Variants in ADAM12 observed in about 807,000 individuals in gnomAD.
The protein encoded by ADAM12 is disintegrin and metalloproteinase domain-containing protein 12.
In ADAM12, 70 loss-of-function variants were observed where a neutral mutation model predicts 106.4. That is an observed-to-expected ratio of 0.66 (90% CI 0.54 to 0.80). The LOEUF (loss-of-function observed/expected upper bound fraction) is 0.80, where lower values mean the gene tolerates loss of function less well. Among genes scored for constraint, ADAM12 ranks in the 30% least tolerant of loss-of-function variants. The pLI, the probability that ADAM12 is intolerant of heterozygous loss-of-function variation, is 0.00. For synonymous variants in ADAM12, 420 were observed against 433.5 expected, an observed-to-expected ratio of 0.97 and a Z score of 0.39; for missense variants, 1,010 against 1,171.9, an observed-to-expected ratio of 0.86 and a Z score of 2.02.
chr10:126,344,789 T>G (rs1855071104), intron 1 of ADAM12, among the ~76,000 whole-genome samples: 1 of 152,184 alleles, frequency 6.6e-6, no homozygotes, highest in African/African-American at 2.4e-5. Flanking sequence ...GAAGCAATTG[T>G]GAATGGGAGT....
At chr10:126,099,590 A>C (rs963763055) in intron 9 of ADAM12, among the ~76,000 whole-genome samples, 1 of 152,198 alleles carries the variant, frequency 6.6e-6, no homozygotes, top group African/African-American at 2.4e-5. Flanking sequence ...ATATCAAAAC[A>C]CTCTGACTCA....
intron 1 of ADAM12, among the ~76,000 whole-genome samples, chr10:126,344,327 G>A (rs1265584415): frequency 1.3e-5 from 2 of 152,154 alleles, no homozygotes; most frequent in Admixed American, 6.5e-5. Flanking sequence ...AAGATCGGAT[G>A]GTTGTAGATG....
chr10:126,293,323 C>T (rs1960235675), intron 2 of ADAM12, among the ~76,000 whole-genome samples: 1 of 152,086 alleles, frequency 6.6e-6, no homozygotes, highest in Non-Finnish European at 1.5e-5. Context: ...CTCCCAGCCC[C>T]ACCTGCCCTA....
At chr10:126,247,936 C>T (rs1343738005) in intron 3 of ADAM12, among the ~76,000 whole-genome samples, 5 of 152,296 alleles carry the variant, frequency 3.3e-5, no homozygotes, top group Non-Finnish European at 5.9e-5. Context: ...CTTTGAATTT[C>T]GTAATTTCTT....
intron 3 of ADAM12, among the ~76,000 whole-genome samples, chr10:126,234,646 C>G (rs1462333268): frequency 6.6e-6 from 1 of 152,228 alleles, no homozygotes; most frequent in African/African-American, 2.4e-5. Context: ...ACACACGCAT[C>G]CTGACAGTGT....
chr10:126,273,777 C>T (rs1959193962), intron 3 of ADAM12, among the ~76,000 whole-genome samples: 1 of 151,724 alleles, frequency 6.6e-6, no homozygotes, highest in South Asian at 2.1e-4. Flanking sequence ...TTGCTGGATC[C>T]ACAGAGAAAT....
rs1954867639 is a variant in ADAM12, at chr10:126,066,330, CAAG to C, written c.1413+384_1413+386del. On this transcript the variant is annotated intron_variant, in intron 13 of 22. Transcript: ENST00000448723. The surrounding 1 kb of genome is among the most constrained non-coding windows in gnomAD (Gnocchi z 5.1). ...GCCAGCAGGCAGATGTCCGCGGGAT[CAAG>C]AAGATGAACCTGGGGGAACCTGAGT... 6.6e-6 allele frequency among the ~76,000 whole-genome samples: 1 copy of C among 152,158 alleles called. No individual in the cohort carries two copies. Among genetic ancestry groups the C allele is most frequent in the Non-Finnish European group, 1.5e-5 (1 of 68,032 alleles).
chr10:126,186,354 G>A (rs889369645), intron 3 of ADAM12, among the ~76,000 whole-genome samples: 2 of 152,178 alleles, frequency 1.3e-5, no homozygotes, highest in African/African-American at 4.8e-5. Context: ...GAGCAATGTG[G>A]TGCTTGGTTG....
intron 21 of ADAM12, 24 bp downstream of exon 21, chr10:126,036,122 A>G (rs945528828): frequency 1.4e-6 from 2 of 1,381,356 alleles, no homozygotes; most frequent in Non-Finnish European, 1.9e-6. Context: ...ACTACATCCT[A>G]TCATATTAGT....
chr10:126,152,094 C>T (rs1200858972), intron 4 of ADAM12, among the ~76,000 whole-genome samples: 1 of 147,156 alleles, frequency 6.8e-6, no homozygotes, highest in Non-Finnish European at 1.5e-5. Context: ...ATATTTAAAT[C>T]TCCCACTCTG....
At chr10:126,227,272 T>A (rs1389906310) in intron 3 of ADAM12, among the ~76,000 whole-genome samples, 1 of 152,126 alleles carries the variant, frequency 6.6e-6, no homozygotes. Context: ...ATCATTACCA[T>A]CATCATCGTC....
chr10:126,114,451 C>T (rs1489783140), intron 6 of ADAM12, among the ~76,000 whole-genome samples: 2 of 152,122 alleles, frequency 1.3e-5, no homozygotes, highest in Non-Finnish European at 2.9e-5. Context: ...GGAAGTGGTG[C>T]TGCCCCGTTC....
intron 3 of ADAM12, among the ~76,000 whole-genome samples, chr10:126,210,614 T>C (rs1172342580): frequency 6.6e-6 from 1 of 152,072 alleles, no homozygotes; most frequent in Non-Finnish European, 1.5e-5. Flanking sequence ...AAGAAGGTGG[T>C]GGAGGAGATG....
intron 3 of ADAM12, among the ~76,000 whole-genome samples, chr10:126,244,527 A>T (rs1958592243): frequency 6.6e-6 from 1 of 152,184 alleles, no homozygotes; most frequent in Admixed American, 6.5e-5. Context: ...CATGGTGGGA[A>T]GTTTAGACTA....
intron 3 of ADAM12, among the ~76,000 whole-genome samples, chr10:126,211,235 T>C (rs970533194): frequency 6.6e-6 from 1 of 152,188 alleles, no homozygotes. Context: ...GAACCCATCA[T>C]TGAGATATCA....
chr10:126,227,276 C>A (rs772627832), intron 3 of ADAM12, among the ~76,000 whole-genome samples: 17 of 152,164 alleles, frequency 1.1e-4, no homozygotes, highest in Non-Finnish European at 1.9e-4. Context: ...TTACCATCAT[C>A]ATCGTCACCA....
intron 1 of ADAM12, among the ~76,000 whole-genome samples, chr10:126,357,126 A>C (rs1333912352): frequency 1.3e-5 from 2 of 152,250 alleles, no homozygotes; most frequent in African/African-American, 4.8e-5. Flanking sequence ...GTTTCCAATC[A>C]AATTCAACCC....
At chr10:126,299,939 C>T (rs1337135774) in intron 2 of ADAM12, among the ~76,000 whole-genome samples, 1 of 152,188 alleles carries the variant, frequency 6.6e-6, no homozygotes, top group African/African-American at 2.4e-5. Context: ...CCACCTGGCC[C>T]AGCCCCACTC....
intron 11 of ADAM12, among the ~76,000 whole-genome samples, chr10:126,081,911 G>C (rs1000581239): frequency 6.6e-6 from 1 of 152,188 alleles, no homozygotes; most frequent in Non-Finnish European, 1.5e-5. Flanking sequence ...AGCCAAAATA[G>C]AGCACGCTTT....
Sources: gnomAD v4.1 joint callset for allele counts (sites outside exome capture counted in the v4.1 genomes callset) on GRCh38, gnomAD v4.1.1 for gene constraint, Gnocchi (gnomAD v3.1) non-coding constraint, MANE v1.5 for transcripts, NCBI Gene and HGNC (gene_info 2026-07-23, HGNC 2026-07-21) for gene names.